The following RERE variants were observed in gnomAD, a reference collection of about 807,000 sequenced individuals.
The protein encoded by RERE is arginine-glutamic acid dipeptide repeats protein.
RERE carries 40 observed loss-of-function variants against 146.1 expected under a neutral mutation model. The ratio of observed to expected loss-of-function variants is 0.27; its 90% confidence interval spans 0.21 to 0.36. The LOEUF is 0.36. RERE is among the 10% of genes least tolerant of loss of function. The pLI, the probability that RERE is intolerant of heterozygous loss-of-function variation, is 1.00. For synonymous variants in RERE, 1,003 were observed against 866.0 expected (o/e 1.16, Z -2.78); for missense variants, 1,933 against 2,138.7 (o/e 0.90, Z 1.90).
chr1:8,707,183 G>A (rs1322762878), intron 1 of RERE, among the ~76,000 whole-genome samples: 1 of 152,150 alleles, frequency 6.6e-6, no homozygotes, highest in African/African-American at 2.4e-5. Context: ...ATAATGAGAG[G>A]AGACAACAGA....
At chr1:8,382,652 G>A (rs1303122959) in intron 12 of RERE, among the ~76,000 whole-genome samples, 5 of 152,088 alleles carry the variant, frequency 3.3e-5, no homozygotes, top group South Asian at 4.1e-4. Context: ...ATGGATGCCC[G>A]GCTTCTGAGG....
chr1:8,805,406 T>C lies in RERE; in HGVS notation c.-145+11754A>G, dbSNP rs548268196. The stretch of plus-strand genomic sequence containing the variant: ...GCTCTCGCCTATAATCCCAGCACTT[T>C]GGGAGGCTGAGGCAGGTGGATCACT... On this transcript the variant is annotated intron_variant, in intron 1 of 22. Transcript: ENST00000400908. 4.7e-3 allele frequency among the ~76,000 whole-genome samples: 715 copies of C among 152,184 alleles called. 3 individuals carry two copies. Among genetic ancestry groups the C allele is most frequent in the African/African-American group, 0.017 (689 of 41,536 alleles).
intron 7 of RERE, among the ~76,000 whole-genome samples, chr1:8,509,426 ATCCATCCATCCGTCCGTCCGTCCG>A (rs1462997663): frequency 1.2e-5 from 1 of 85,822 alleles, no homozygotes; most frequent in African/African-American, 3.0e-5. Context: ...CCATCCATCC[ATCCATCCATCCGTCCGTCCGTCCG>A]TCCATCCAAC....
chr1:8,496,150 T>TAAAAAAAAAAAAAAAAAAA (rs36115213), intron 9 of RERE, among the ~76,000 whole-genome samples: 56 of 118,390 alleles, frequency 4.7e-4, no homozygotes, highest in African/African-American at 1.9e-3. Context: ...GACCCTGTCT[T>TAAAAAAAAAAAAAAAAAAA]AAAAAAAAAA....
intron 1 of RERE, among the ~76,000 whole-genome samples, chr1:8,768,803 TA>T (rs1178347225): frequency 3.5e-4 from 53 of 152,144 alleles, no homozygotes; most frequent in Non-Finnish European, 5.9e-5. Flanking sequence ...ACAAGAGCTC[TA>T]AAGTCTCAAA....
chr1:8,506,322 T>G (rs892897327), intron 8 of RERE, among the ~76,000 whole-genome samples: 1 of 152,252 alleles, frequency 6.6e-6, no homozygotes, highest in Non-Finnish European at 1.5e-5. Flanking sequence ...GCAGCTTCTT[T>G]CAGTCTGTAT....
At chr1:8,714,934 A>G (rs1422300363) in intron 1 of RERE, among the ~76,000 whole-genome samples, 1 of 151,858 alleles carries the variant, frequency 6.6e-6, no homozygotes, top group Non-Finnish European at 1.5e-5. Context: ...AATGCAGTGG[A>G]GCGATCCTGG....
chr1:8,623,794 A>T (rs535191954), intron 3 of RERE, among the ~76,000 whole-genome samples: 24 of 152,226 alleles, frequency 1.6e-4, no homozygotes, highest in Non-Finnish European at 3.1e-4. Context: ...AACTGGAAAG[A>T]AAGTATAACA....
At chr1:8,371,192 T>C (rs932049399) in intron 12 of RERE, among the ~76,000 whole-genome samples, 1 of 152,224 alleles carries the variant, frequency 6.6e-6, no homozygotes, top group Admixed American at 6.5e-5. Context: ...CATTGGGCTA[T>C]ATTTAGCAGA....
intron 1 of RERE, among the ~76,000 whole-genome samples, chr1:8,727,260 A>C (rs1639990805): frequency 6.7e-6 from 1 of 150,036 alleles, no homozygotes; most frequent in Non-Finnish European, 1.5e-5. Flanking sequence ...CTCCTGCCTC[A>C]GCCTCGTGAG....
intron 6 of RERE, among the ~76,000 whole-genome samples, chr1:8,542,381 G>A (rs1039125498): frequency 3.9e-5 from 6 of 152,110 alleles, no homozygotes; most frequent in African/African-American, 7.2e-5. Context: ...AGTATGCACG[G>A]TAACAACATA....
chr1:8,372,824 C>T (rs554193729), intron 12 of RERE, among the ~76,000 whole-genome samples: 2 of 152,328 alleles, frequency 1.3e-5, no homozygotes, highest in East Asian at 3.9e-4. Flanking sequence ...AGGCTCTGGC[C>T]TTGTGCCACT....
intron 6 of RERE, among the ~76,000 whole-genome samples, chr1:8,548,605 C>T (rs1400476656): frequency 6.6e-6 from 1 of 152,130 alleles, no homozygotes; most frequent in African/African-American, 2.4e-5. Flanking sequence ...GAGAATTAAA[C>T]AAAAACAAGT....
At chr1:8,534,514 G>C (rs1377471612) in intron 7 of RERE, among the ~76,000 whole-genome samples, 3 of 152,118 alleles carry the variant, frequency 2.0e-5, no homozygotes, top group African/African-American at 7.2e-5. Flanking sequence ...CTGTTTCTCA[G>C]AAGGTCAGAG....
At chr1:8,789,088 T>C (rs1254703845) in intron 1 of RERE, among the ~76,000 whole-genome samples, 4 of 151,278 alleles carry the variant, frequency 2.6e-5, no homozygotes, top group Non-Finnish European at 5.9e-5. Flanking sequence ...TATTATTTTT[T>C]AAAAAACTAA....
intron 1 of RERE, among the ~76,000 whole-genome samples, chr1:8,700,072 C>T (rs747738145): frequency 2.0e-4 from 31 of 152,074 alleles, no homozygotes; most frequent in African/African-American, 6.3e-4. Context: ...TTTGGGAGGC[C>T]GAGGCGAGTG....
chr1:8,689,295 T>C (rs1390503237), intron 1 of RERE, among the ~76,000 whole-genome samples: 1 of 152,176 alleles, frequency 6.6e-6, no homozygotes, highest in East Asian at 1.9e-4. Context: ...GTTTATAGTT[T>C]CTGGCATTCC....
intron 10 of RERE, among the ~76,000 whole-genome samples, chr1:8,480,601 A>T (rs1398732839): frequency 6.6e-6 from 1 of 151,130 alleles, no homozygotes; most frequent in South Asian, 2.1e-4. Flanking sequence ...ATACTTGGCT[A>T]ATTTTTGTAT....
At chr1:8,689,831 T>C (rs1307420028) in intron 1 of RERE, among the ~76,000 whole-genome samples, 1 of 151,202 alleles carries the variant, frequency 6.6e-6, no homozygotes, top group East Asian at 1.9e-4. Flanking sequence ...ATGTAAACTG[T>C]AAATGTGGGA....
Sources: gnomAD v4.1 joint callset for allele counts (sites outside exome capture counted in the v4.1 genomes callset) on GRCh38, gnomAD v4.1.1 for gene constraint, MANE v1.5 for transcripts, NCBI Gene and HGNC (gene_info 2026-07-23, HGNC 2026-07-21) for gene names.